The following NOP56 variants were observed in gnomAD, a reference collection of about 807,000 sequenced individuals.
The protein encoded by NOP56 is nucleolar protein 56.
A neutral mutation model predicts 58.3 loss-of-function variants in NOP56; 31 were observed. The observed-to-expected ratio is 0.53, with a 90% confidence interval of 0.40 to 0.72. The LOEUF (loss-of-function observed/expected upper bound fraction) is 0.72. Ranked by LOEUF, NOP56 falls within the 30% of genes least tolerant of loss-of-function variation. The pLI is 0.00. For missense variants in NOP56, 669 were observed against 739.9 expected (o/e 0.90, Z 1.11); for synonymous variants, 313 against 282.8 (o/e 1.11, Z -1.07).
At chr20:2,656,651 ACAG>A in intron 9 of NOP56, 102 bp downstream of exon 9, 1 of 1,607,144 alleles carries the variant, frequency 6.2e-7, no homozygotes, top group Non-Finnish European at 8.5e-7. Context: ...TTTTTCGTCA[ACAG>A]CAGTTCACCT....
Position 2,656,515 on chromosome 20 carries a change from A to C in NOP56, c.1125A>C (p.Lys375Asn). The C allele has an allele frequency of 6.2e-7, 1 of 1,611,772 alleles. No individual in the cohort carries two copies. Among genetic ancestry groups the C allele is most frequent in the African/African-American group, 1.3e-5 (1 of 74,810 alleles). ...GCATCTCCCGATACCTGGCAAACAAATGCAGTATTGCCTCACGAATCGATT... is the reference window on the plus strand; with the variant it reads ...GCATCTCCCGATACCTGGCAAACAACTGCAGTATTGCCTCACGAATCGATT... The part of the protein sequence containing the change: ...KGRISRYLAN[K>N]CSIASRIDCF... The change falls in exon 9 of 12, where the codon AAA becomes AAC. Residue 375 changes from lysine to asparagine, a missense_variant. Around this residue, in one of 3 missense-constraint regions of NOP56, gnomAD observed 339 missense variants for 430.5 expected, o/e 0.79. Coordinates refer to ENST00000329276, the MANE Select transcript of NOP56 (RefSeq NM_006392.4).
At chr20:2,656,638 A>G (rs1180876151) in intron 9 of NOP56, 89 bp downstream of exon 9, 18 of 1,607,768 alleles carry the variant, frequency 1.1e-5, no homozygotes, top group East Asian at 2.2e-5. Context: ...AATGATGGCA[A>G]TATTTTTCGT....
chr20:2,655,756 A>G lies in NOP56; in HGVS notation c.909+10A>G. ...CCTAATTGGGGAAGCGGTGCGTCACAGGGGACTCAAAAATGGGAGAATAAG... is the reference window on the plus strand; with the variant it reads ...CCTAATTGGGGAAGCGGTGCGTCACGGGGGACTCAAAAATGGGAGAATAAG... On this transcript the variant is annotated intron_variant, in intron 7 of 11. Coordinates refer to ENST00000329276, the MANE Select transcript of NOP56 (RefSeq NM_006392.4). 1 of 1,614,182 alleles carries G rather than the reference A, an allele frequency of 6.2e-7. No homozygotes were observed. Among genetic ancestry groups the G allele is most frequent in the Middle Eastern group, 1.6e-4 (1 of 6,062 alleles).
rs2086850540 is a variant in NOP56 at position 2,658,005 on chromosome 20, CATCT to C, written c.1501_1504del (p.Ile501LeufsTer16). ...CCTCAGGAGAATGGAATGGAAGACCCATCTATCTCTTTCTCCAAACCCAAGAAAA... is the reference window on the plus strand; with the variant it reads ...CCTCAGGAGAATGGAATGGAAGACCCATCTCTTTCTCCAAACCCAAGAAAA... On this transcript the variant is annotated frameshift_variant, in exon 12 of 12. Transcript: ENST00000329276. LOFTEE classifies it low-confidence loss of function (END_TRUNC). 6.2e-7 allele frequency: 1 copy of C among 1,612,324 alleles called. No individual in the cohort carries two copies. Among genetic ancestry groups the C allele is most frequent in the African/African-American group, 1.3e-5 (1 of 74,844 alleles).
chr20:2,656,689 G>T, intron 9 of NOP56, 85 bp from the exon 10 acceptor site: 1 of 1,611,952 alleles, frequency 6.2e-7, no homozygotes, highest in East Asian at 2.2e-5. Flanking sequence ...CTCTGGGTCT[G>T]AGTGAAGCTG....
Position 2,654,497 on chromosome 20 carries a change from C to T in NOP56, c.292C>T (p.Pro98Ser), listed in dbSNP as rs148680348. Residue 98 changes from proline (P) to serine (S), a missense_variant, in exon 4 of 12, where the codon CCC becomes TCC. Pro to Ser is a moderately conservative substitution (Grantham distance 74). Coordinates refer to ENST00000329276, the MANE Select transcript of NOP56 (RefSeq NM_006392.4). ...KKKVLLGVGD[P>S]KIGAAIQEEL... ...GAAAGTACTCTTGGGAGTTGGGGAT[C>T]CCAAGATTGGTGCCGCAATACAGGA... 15 of 1,614,058 alleles carry T rather than the reference C, an allele frequency of 9.3e-6. No homozygotes were observed. The African/African-American group carries it at 1.9e-4, about 20-fold the overall frequency.
At chr20:2,656,281 A>T (rs2086816239) in intron 8 of NOP56, 120 bp from the exon 9 acceptor site, 3 of 1,605,154 alleles carry the variant, frequency 1.9e-6, no homozygotes, top group Non-Finnish European at 2.5e-6. Flanking sequence ...TGGGGTAGAG[A>T]TCCAATCTGG....
At position 2,655,693 on chromosome 20, in the gene NOP56, C is replaced by T. The variant is rs149229790; in HGVS notation, c.856C>T (p.Arg286Cys). 2.2e-5 allele frequency: 36 copies of T among 1,614,162 alleles called. No homozygotes were observed. The African/African-American group carries it at 3.1e-4, about 14-fold the overall frequency. ...CCGCCAGAGCCTACACACTTACCTG[C>T]GCTCCAAGATGAGCCAAGTAGCCCC... Reference protein sequence around the residue: ...EYRQSLHTYLRSKMSQVAPSL... With the variant: ...EYRQSLHTYLCSKMSQVAPSL... The change falls in exon 7 of 12, where the codon CGC becomes TGC. Residue 286 changes from arginine to cysteine, a missense_variant. Physicochemically the swap from Arg to Cys is radical, Grantham distance 180. Around this residue, in one of 3 missense-constraint regions of NOP56, gnomAD observed 339 missense variants for 430.5 expected, o/e 0.79. Coordinates refer to ENST00000329276, the MANE Select transcript of NOP56 (RefSeq NM_006392.4).
chr20:2,657,405 C>T (rs1568543968), intron 11 of NOP56, 187 bp downstream of exon 11: 1 of 891,114 alleles, frequency 1.1e-6, no homozygotes, highest in Non-Finnish European at 1.8e-6. Flanking sequence ...GCTCAAGAGC[C>T]CAGAGAGCTG....
At chr20:2,655,082 A>G in intron 5 of NOP56, 135 bp downstream of exon 5, 1 of 1,159,604 alleles carries the variant, frequency 8.6e-7, no homozygotes, top group Non-Finnish European at 1.3e-6. Context: ...CCTGGTGCTT[A>G]CCACAGGCTG....
rs2146291140 is a variant in NOP56 at position 2,653,316 on chromosome 20, G to A, written c.131G>A (p.Ser44Asn). ...GTGCTCAACCTGGGCAAATTCCACAGCATCGTTCGTCTGGTGGCCTTTTGT... is the reference window on the plus strand; with the variant it reads ...GTGCTCAACCTGGGCAAATTCCACAACATCGTTCGTCTGGTGGCCTTTTGT... ...ESVLNLGKFHSIVRLVAFCPF... is the reference protein window; with the variant it reads ...ESVLNLGKFHNIVRLVAFCPF... Residue 44 changes from serine to asparagine, a missense_variant, in exon 3 of 12, where the codon AGC becomes AAC. Coordinates refer to ENST00000329276, the MANE Select transcript of NOP56 (RefSeq NM_006392.4). 6.2e-7 allele frequency: 1 copy of A among 1,614,142 alleles called. No individual in the cohort carries two copies. The highest frequency in any genetic ancestry group is 8.5e-7 in the Non-Finnish European group (1 of 1,180,020).
rs2086787835 is a variant in NOP56, at chr20:2,654,235, A to C, written c.209-179A>C. On this transcript the variant is annotated intron_variant, in intron 3 of 11. Transcript: ENST00000329276. ...CTTTGCAGTGATGACTTGCGAATCAAATCTGTCAATCCCCTGAGTGCAATC... is the reference window on the plus strand; with the variant it reads ...CTTTGCAGTGATGACTTGCGAATCACATCTGTCAATCCCCTGAGTGCAATC... 4 of 787,734 alleles carry C rather than the reference A, an allele frequency of 5.1e-6. No individual in the cohort carries two copies. The East Asian group carries it at 9.8e-5, about 19-fold the overall frequency. The allele number at this position is 787,734 out of a possible 1,614,324, so 48.8% of individuals were successfully genotyped here.
At chr20:2,656,944 G>A (rs1339400611) in intron 10 of NOP56, 49 bp downstream of exon 10, 1 of 1,613,806 alleles carries the variant, frequency 6.2e-7, no homozygotes, top group Non-Finnish European at 8.5e-7. Context: ...GCTGTTGGAG[G>A]TGATGAACTG....
Position 2,656,867 on chromosome 20 carries a change from T to A in NOP56, c.1253T>A (p.Leu418Gln). The A allele has an allele frequency of 6.2e-7, 1 of 1,614,122 alleles. No individual in the cohort carries two copies. The change falls in exon 10 of 12, where the codon CTG becomes CAG. Residue 418 changes from leucine (L) to glutamine (Q), a missense_variant. Physicochemically the swap from Leu to Gln is moderately radical, Grantham distance 113. Around this residue, in one of 3 missense-constraint regions of NOP56, gnomAD observed 339 missense variants for 430.5 expected, o/e 0.79. Coordinates refer to ENST00000329276, the MANE Select transcript of NOP56 (RefSeq NM_006392.4). Reference sequence around the variant, plus strand: ...ACTGGAGAGATACCACGAAAGAATCTGGATGTCATGAAGGAAGCAATGGTT... The same window carrying A: ...ACTGGAGAGATACCACGAAAGAATCAGGATGTCATGAAGGAAGCAATGGTT... ...YETGEIPRKN[L>Q]DVMKEAMVQA...
intron 11 of NOP56, chr20:2,657,482 A>T (rs1269797648): frequency 1.5e-6 from 1 of 669,156 alleles, no homozygotes; most frequent in East Asian, 3.0e-5. Flanking sequence ...GGAGTCCTCA[A>T]CCTGGGGTAG....
In NOP56 at chr20:2,657,078, C is replaced by T. The variant is rs761084802; in HGVS notation, c.1282-3C>T. The T allele has an allele frequency of 6.2e-7, 1 of 1,614,056 alleles. No individual in the cohort carries two copies. Among genetic ancestry groups the T allele is most frequent in the Middle Eastern group, 1.6e-4 (1 of 6,062 alleles). On this transcript the variant is annotated splice_polypyrimidine_tract_variant and splice_region_variant and intron_variant, in intron 10 of 11. Coordinates refer to ENST00000329276, the MANE Select transcript of NOP56 (RefSeq NM_006392.4). ...GGCCCTTTTAGCACTTTTCTTTGAC[C>T]AGGCAGAGGAAGCGGCTGCTGAGAT...
intron 11 of NOP56, chr20:2,657,558 T>C: frequency 1.9e-6 from 1 of 538,976 alleles, no homozygotes; most frequent in South Asian, 2.0e-5. Context: ...ACAGTGGGGA[T>C]GGGGGCAGGG....
At chr20:2,653,070 G>T (rs996547008) in intron 2 of NOP56, 139 bp downstream of exon 2, 2 of 825,930 alleles carry the variant, frequency 2.4e-6, no homozygotes, top group African/African-American at 1.7e-5. Context: ...AGATCCGGGG[G>T]TCTTTACCTT....
rs139726933 is a variant in NOP56 at position 2,654,384 on chromosome 20, G to A, written c.209-30G>A. The A allele has an allele frequency of 1.1e-4, 184 of 1,613,794 alleles. 1 individual carries two copies. In the African/African-American group the frequency reaches 2.2e-3, roughly 19 times the overall value. ...GTTAGAGTTGATCGTCCTTCAGCCT[G>A]TTAGTGGGAACTGTGTTCTTTCCCC... On this transcript the variant is annotated intron_variant, in intron 3 of 11. Transcript: ENST00000329276.
Sources: gnomAD v4.1 joint callset for allele counts on GRCh38, gnomAD v4.1.1 for gene constraint, gnomAD v4.1.1 regional missense constraint, MANE v1.5 for transcripts, NCBI Gene and HGNC (gene_info 2026-07-23, HGNC 2026-07-21) for gene names.